The following TUBGCP3 variants were observed in gnomAD, a reference collection of about 807,000 sequenced individuals.
TUBGCP3 encodes the protein tubulin gamma complex component 3.
Under a neutral mutation model 123.1 loss-of-function variants are expected in TUBGCP3, and 50 were observed. The ratio of observed to expected loss-of-function variants is 0.41; its 90% confidence interval spans 0.32 to 0.51. The LOEUF (loss-of-function observed/expected upper bound fraction) is 0.51, where lower values mean the gene tolerates loss of function less well. Ranked by LOEUF, TUBGCP3 falls within the 20% of genes least tolerant of loss-of-function variation. The probability of loss-of-function intolerance (pLI) is 0.36; values close to 1 mark genes in which losing one functional copy is unlikely to be tolerated. For missense variants in TUBGCP3, 882 were observed against 1,127.0 expected (o/e 0.78, Z 3.11); for synonymous variants, 405 against 413.9 (o/e 0.98, Z 0.26).
intron 17 of TUBGCP3, among the ~76,000 whole-genome samples, chr13:112,512,978 G>A (rs564584638): frequency 4.6e-5 from 7 of 152,226 alleles, no homozygotes; most frequent in South Asian, 2.1e-4. Context: ...CTTCATGAAC[G>A]ATGAACGCAT....
chr13:112,591,992 A>G (rs1882891951), upstream of TUBGCP3, among the ~76,000 whole-genome samples: 1 of 151,640 alleles, frequency 6.6e-6, no homozygotes, highest in Admixed American at 6.6e-5. Context: ...AACCCAGAGA[A>G]CAGTGCATCT....
rs183751124 is a variant in TUBGCP3 at position 112,514,063 on chromosome 13, G to A, written c.2086+2377C>T. Among the ~76,000 whole-genome samples the A allele has an allele frequency of 9.2e-5, 14 of 152,288 alleles. No homozygotes were observed. The East Asian group carries it at 1.9e-3, about 21-fold the overall frequency. On this transcript the variant is annotated intron_variant, in intron 17 of 21. Transcript: ENST00000261965. ...CTCAGTTATCAGGTCAACAGATCAC[G>A]AGAAAAACAGGTGAGCACAGTACGG...
chr13:112,510,064 G>A (rs979154339), intron 17 of TUBGCP3, among the ~76,000 whole-genome samples: 3 of 152,162 alleles, frequency 2.0e-5, no homozygotes, highest in African/African-American at 7.2e-5. Context: ...ATGAATACAG[G>A]ATGCACATCT....
intron 1 of TUBGCP3, among the ~76,000 whole-genome samples, chr13:112,575,158 C>T (rs1266295789): frequency 6.6e-6 from 1 of 152,174 alleles, no homozygotes; most frequent in African/African-American, 2.4e-5. Flanking sequence ...AGGGCAGCAG[C>T]ACAGAAGAGG....
intron 11 of TUBGCP3, among the ~76,000 whole-genome samples, chr13:112,534,173 G>C (rs555736178): frequency 6.6e-6 from 1 of 152,198 alleles, no homozygotes; most frequent in Non-Finnish European, 1.5e-5. Context: ...AGGGTGGATA[G>C]ACCAGGGGTC....
intron 1 of TUBGCP3, among the ~76,000 whole-genome samples, chr13:112,582,626 G>A (rs767235697): frequency 2.0e-5 from 3 of 152,320 alleles, no homozygotes; most frequent in South Asian, 2.1e-4. Context: ...TCACTCCATC[G>A]AGAGCCCCAG....
chr13:112,563,224 C>T (rs1472615284), intron 3 of TUBGCP3, among the ~76,000 whole-genome samples: 1 of 152,202 alleles, frequency 6.6e-6, no homozygotes, highest in Admixed American at 6.5e-5. Context: ...CACCTTTGAC[C>T]TTTCGTCCCC....
At position 112,502,647 on chromosome 13, in the gene TUBGCP3, G is replaced by A. The variant is rs528842937; in HGVS notation, c.2307+1385C>T. Among the ~76,000 whole-genome samples, 27 of 146,532 alleles carry A rather than the reference G, an allele frequency of 1.8e-4. No homozygotes were observed. In the East Asian group the frequency reaches 3.9e-3, roughly 21 times the overall value. ...TGCAAGCTCCGCCTCCCGGGTTCACGCCATTCTCCTGCCTCAGCCTCCCCA... is the reference window on the plus strand; with the variant it reads ...TGCAAGCTCCGCCTCCCGGGTTCACACCATTCTCCTGCCTCAGCCTCCCCA... On this transcript the variant is annotated intron_variant, in intron 19 of 21. Coordinates refer to ENST00000261965, the MANE Select transcript of TUBGCP3 (RefSeq NM_006322.6).
chr13:112,571,879 C>A (rs1227242171), intron 1 of TUBGCP3, among the ~76,000 whole-genome samples: 4 of 152,290 alleles, frequency 2.6e-5, no homozygotes, highest in South Asian at 4.1e-4. Context: ...GAACTAAAAA[C>A]CCCTGCTAGC....
the TUBGCP3 span, among the ~76,000 whole-genome samples, chr13:112,601,899 C>T: frequency 6.6e-6 from 1 of 152,236 alleles, no homozygotes; most frequent in African/African-American, 2.4e-5. Context: ...TCCGCACTTC[C>T]TGCTGTGCCT....
At chr13:112,509,672 G>A (rs1430487622) in intron 17 of TUBGCP3, among the ~76,000 whole-genome samples, 1 of 152,220 alleles carries the variant, frequency 6.6e-6, no homozygotes, top group Non-Finnish European at 1.5e-5. Flanking sequence ...GACAGTGAGA[G>A]ACATATGGTT....
rs1183801392 is a variant in TUBGCP3 at position 112,511,522 on chromosome 13, A to G, written c.2086+4918T>C. Among the ~76,000 whole-genome samples, 2 of 152,132 alleles carry G rather than the reference A, an allele frequency of 1.3e-5. No individual in the cohort carries two copies. The highest frequency in any genetic ancestry group is 2.9e-5 in the Non-Finnish European group (2 of 68,016). ...TAAAGGCTGTGCTGCCGGAGCACAG[A>G]GCCCAGCTCCAGGATCCAAGAGGAG... On this transcript the variant is annotated intron_variant, in intron 17 of 21. Transcript: ENST00000261965. The surrounding 1 kb of genome is among the most constrained non-coding windows in gnomAD (Gnocchi z 4.1).
chr13:112,572,137 G>C (rs1881446942), intron 1 of TUBGCP3, among the ~76,000 whole-genome samples: 1 of 152,188 alleles, frequency 6.6e-6, no homozygotes, highest in African/African-American at 2.4e-5. Flanking sequence ...ACTGGCATAA[G>C]AGGCCTAGCT....
chr13:112,564,986 A>G, intron 3 of TUBGCP3, 125 bp downstream of exon 3: 2 of 742,968 alleles, frequency 2.7e-6, no homozygotes, highest in Non-Finnish European at 4.1e-6. Flanking sequence ...GCTATCTATA[A>G]TTAAAAGCAA....
At chr13:112,549,512 A>G (rs867829682) in intron 8 of TUBGCP3, among the ~76,000 whole-genome samples, 2 of 152,182 alleles carry the variant, frequency 1.3e-5, no homozygotes, top group East Asian at 3.9e-4. Flanking sequence ...TTAATTAATT[A>G]AAAAAGATTA....
At chr13:112,589,351 C>T (rs952016245), upstream of TUBGCP3, among the ~76,000 whole-genome samples, 2 of 152,194 alleles carry the variant, frequency 1.3e-5, no homozygotes, top group Admixed American at 6.5e-5. Context: ...CATGCAAGAA[C>T]CCCCCTCACT....
chr13:112,559,497 T>C (rs1188293224), intron 3 of TUBGCP3, 98 bp from the exon 4 acceptor site: 1 of 997,648 alleles, frequency 1.0e-6, no homozygotes, highest in African/African-American at 1.7e-5. Flanking sequence ...TAGAAATGCA[T>C]TTTAAAATTC....
At chr13:112,558,456 G>C (rs1314390425) in intron 4 of TUBGCP3, 43 bp from the exon 5 acceptor site, 5 of 1,464,626 alleles carry the variant, frequency 3.4e-6, no homozygotes, top group Admixed American at 2.2e-5. Flanking sequence ...GGAAATTACA[G>C]AACAGTCTTC....
chr13:112,594,916 A>G, the TUBGCP3 span, among the ~76,000 whole-genome samples: 1 of 152,210 alleles, frequency 6.6e-6, no homozygotes, highest in Non-Finnish European at 1.5e-5. Flanking sequence ...AAGAGAAGAC[A>G]GACTAAGATT....
Sources: allele counts gnomAD v4.1 joint callset (sites outside exome capture counted in the v4.1 genomes callset), GRCh38; gene constraint gnomAD v4.1.1; non-coding constraint Gnocchi (gnomAD v3.1); transcripts MANE v1.5; gene names NCBI Gene and HGNC (gene_info 2026-07-23, HGNC 2026-07-21).